The following FAM120B variants were observed in gnomAD, a reference collection of about 807,000 sequenced individuals.
FAM120B encodes constitutive coactivator of peroxisome proliferator-activated receptor gamma.
Under a neutral mutation model 96.3 loss-of-function variants are expected in FAM120B, and 83 were observed. The observed-to-expected ratio is 0.86, with a 90% CI of 0.72 to 1.03. FAM120B has a LOEUF of 1.03. Ranked by LOEUF, FAM120B falls within the 50% of genes least tolerant of loss-of-function variation. The pLI is 0.00. For synonymous variants in FAM120B, 407 were observed against 402.7 expected (o/e 1.01, Z -0.13); for missense variants, 1,027 against 1,121.2 (o/e 0.92, Z 1.20).
At chr6:170,300,694 C>T (rs776239398) in intron 1 of FAM120B, among the ~76,000 whole-genome samples, 2 of 152,320 alleles carry the variant, frequency 1.3e-5, no homozygotes, top group East Asian at 1.9e-4. Flanking sequence ...GCAAATACAC[C>T]CGTTCCAAAT....
Position 170,299,191 on chromosome 6 carries a change from T to A in FAM120B, c.48+3738T>A, listed in dbSNP as rs139044867. Among the ~76,000 whole-genome samples, 836 of 152,374 alleles carry A rather than the reference T, an allele frequency of 5.5e-3. 9 individuals carry two copies. The highest frequency in any genetic ancestry group is 0.019 in the African/African-American group (781 of 41,584). On this transcript the variant is annotated intron_variant, in intron 1 of 10. Transcript: ENST00000537664. ...CTTTTCTTTGTGGGAAGGTTTTTTT[T>A]ATTGTTGTTGTTTTGTTTTGTTTAC... is the stretch of plus-strand genomic sequence containing the variant.
Position 170,343,548 on chromosome 6 carries a change from A to G in FAM120B, c.2018-4603A>G, listed in dbSNP as rs899763598. On this transcript the variant is annotated intron_variant, in intron 4 of 10. Coordinates refer to ENST00000476287, the MANE Select transcript of FAM120B (RefSeq NM_032448.3). ...ATTTTTCCTACTCTGGTGATTTTCT[A>G]TAATCTATTATATCATTAGAACTCC... Among the ~76,000 whole-genome samples, 25 of 152,090 alleles carry G rather than the reference A, an allele frequency of 1.6e-4. 2 individuals are homozygous for G. Among genetic ancestry groups the G allele is most frequent in the African/African-American group, 4.8e-4 (20 of 41,340 alleles).
At chr6:170,346,574 A>T (rs953484321) in intron 4 of FAM120B, among the ~76,000 whole-genome samples, 1 of 152,224 alleles carries the variant, frequency 6.6e-6, no homozygotes, top group African/African-American at 2.4e-5. Context: ...GGTCTCTGTT[A>T]CTTAGGTTGG....
At chr6:170,376,731 C>G (rs1424626957) in intron 6 of FAM120B, among the ~76,000 whole-genome samples, 1 of 152,174 alleles carries the variant, frequency 6.6e-6, no homozygotes, top group Non-Finnish European at 1.5e-5. Flanking sequence ...TCTTTTGAGG[C>G]GTTCGAATGT....
intron 9 of FAM120B, among the ~76,000 whole-genome samples, chr6:170,399,171 G>A (rs55889079): frequency 2.0e-5 from 3 of 146,452 alleles, no homozygotes; most frequent in East Asian, 4.1e-4. Flanking sequence ...GGAGTGAGTG[G>A]GGAAGGTAGA....
At chr6:170,337,569 T>G (rs561920369) in intron 4 of FAM120B, among the ~76,000 whole-genome samples, 1 of 152,274 alleles carries the variant, frequency 6.6e-6, no homozygotes, top group Non-Finnish European at 1.5e-5. Context: ...AAAAGTCCCT[T>G]GTTTTCTATT....
At chr6:170,326,555 G>C (rs1337004875) in intron 3 of FAM120B, among the ~76,000 whole-genome samples, 3 of 152,070 alleles carry the variant, frequency 2.0e-5, no homozygotes, top group Non-Finnish European at 2.9e-5. Flanking sequence ...TTCTGTGAAG[G>C]GTCAGATAAT....
chr6:170,339,512 G>T (rs73034941), intron 4 of FAM120B, among the ~76,000 whole-genome samples: 15,507 of 152,014 alleles, frequency 0.1, 894 homozygotes, highest in African/African-American at 0.14. Context: ...GTCGGGGCCA[G>T]GCGGGGTGGC....
intron 8 of FAM120B, among the ~76,000 whole-genome samples, chr6:170,392,310 C>T (rs2115322416): frequency 1.3e-5 from 2 of 152,160 alleles, no homozygotes; most frequent in Non-Finnish European, 2.9e-5. Context: ...CGAGTTCAAG[C>T]GATTCTCTTG....
intron 5 of FAM120B, among the ~76,000 whole-genome samples, chr6:170,356,646 C>T (rs1490211657): frequency 6.6e-6 from 1 of 152,050 alleles, no homozygotes; most frequent in East Asian, 1.9e-4. Flanking sequence ...GAAAAGCTGG[C>T]CCTTTATATT....
At position 170,388,374 on chromosome 6, in the gene FAM120B, G is replaced by T. The variant is rs1421767244; in HGVS notation, c.2371G>T (p.Gly791Cys). 3 of 1,613,976 alleles carry T rather than the reference G, an allele frequency of 1.9e-6. No homozygotes were observed. Among genetic ancestry groups the T allele is most frequent in the Non-Finnish European group, 2.5e-6 (3 of 1,180,016 alleles). ...TTLVLVNSAC[G>C]FPWKTSDFMP... ...TCTGGTTTTAGTCAACAGCGCATGTGGCTTCCCCTGGAAGACGAGTGATTT... is the reference window on the plus strand; with the variant it reads ...TCTGGTTTTAGTCAACAGCGCATGTTGCTTCCCCTGGAAGACGAGTGATTT... The change falls in exon 7 of 11, where the codon GGC becomes TGC. Residue 791 changes from glycine to cysteine, a missense_variant. Around this residue, in one of 3 missense-constraint regions of FAM120B, gnomAD observed 880 missense variants for 980.9 expected, o/e 0.90. Coordinates refer to ENST00000476287, the MANE Select transcript of FAM120B (RefSeq NM_032448.3).
In FAM120B at chr6:170,388,298, C is replaced by T. The variant is rs753240301; in HGVS notation, c.2295C>T (p.Ile765=). 3 of 1,613,586 alleles carry T rather than the reference C, an allele frequency of 1.9e-6. No individual in the cohort carries two copies. The highest frequency in any genetic ancestry group is 1.7e-5 in the Admixed American group (1 of 60,004). Residue 765 remains isoleucine (I), a synonymous_variant, in exon 7 of 11, where the codon ATC becomes ATT. Coordinates refer to ENST00000476287, the MANE Select transcript of FAM120B (RefSeq NM_032448.3). ...SQLVNLQPDY[I]NPRAVQLGSL... is the part of the protein sequence containing the mutation. ...TCTGGTCTCCACAGCCTGATTACAT[C>T]AACCCCAGAGCCGTGCAGCTGGGCT...
chr6:170,340,960 G>C (rs1786781778), intron 4 of FAM120B, among the ~76,000 whole-genome samples: 1 of 152,226 alleles, frequency 6.6e-6, no homozygotes, highest in African/African-American at 2.4e-5. Context: ...AGGAGGCACG[G>C]GGATGAGGGA....
rs375196720 is a variant in FAM120B, at chr6:170,323,289, G to A, written c.1915+30G>A. 5.7e-6 allele frequency: 9 copies of A among 1,575,604 alleles called. No individual in the cohort carries two copies. The Admixed American group carries it at 1.6e-4, about 29-fold the overall frequency. On this transcript the variant is annotated intron_variant, in intron 3 of 10. Coordinates refer to ENST00000476287, the MANE Select transcript of FAM120B (RefSeq NM_032448.3). ...GAATTGGTTGGTCCCTCTTAGTAAA[G>A]GTTCTATTTGGAGTTGAGTTCTGAG...
In FAM120B at chr6:170,363,445, C is replaced by T. The variant is rs1788587985; in HGVS notation, c.2283+5127C>T. Among the ~76,000 whole-genome samples, 1 of 152,254 alleles carries T rather than the reference C, an allele frequency of 6.6e-6. No individual in the cohort carries two copies. Among genetic ancestry groups the T allele is most frequent in the African/African-American group, 2.4e-5 (1 of 41,470 alleles). ...TCACACCTGTGTCAGCAGCATCGTC[C>T]TCTGCCTTGTACAGCACAGCTTGGC... On this transcript the variant is annotated intron_variant, in intron 6 of 10. Transcript: ENST00000476287. The surrounding 1 kb of genome is among the most constrained non-coding windows in gnomAD (Gnocchi z 4.5).
At chr6:170,336,554 T>C (rs1305589444) in intron 4 of FAM120B, among the ~76,000 whole-genome samples, 1 of 152,244 alleles carries the variant, frequency 6.6e-6, no homozygotes, top group Non-Finnish European at 1.5e-5. Context: ...AGTAGTTTTT[T>C]CTAATTCTAT....
intron 6 of FAM120B, among the ~76,000 whole-genome samples, chr6:170,385,563 A>T (rs1339267708): frequency 2.6e-5 from 4 of 152,202 alleles, no homozygotes; most frequent in African/African-American, 9.6e-5. Flanking sequence ...GTGGGAATTC[A>T]AAGTGGTGAA....
intron 1 of FAM120B, among the ~76,000 whole-genome samples, chr6:170,296,844 C>T (rs1784024322): frequency 6.6e-6 from 1 of 152,186 alleles, no homozygotes; most frequent in South Asian, 2.1e-4. Context: ...TTTCCGGCTG[C>T]ATCCGGGGGG....
In FAM120B at chr6:170,347,835, G is replaced by A. The variant is rs986699360; in HGVS notation, c.2018-316G>A. Reference sequence around the variant, plus strand: ...TCCATCAGCTGTGATACTGCAGGGCGGCAGTGCCTTGTTATATCCTTGAGA... The same window carrying A: ...TCCATCAGCTGTGATACTGCAGGGCAGCAGTGCCTTGTTATATCCTTGAGA... On this transcript the variant is annotated intron_variant, in intron 4 of 10. Coordinates refer to ENST00000476287, the MANE Select transcript of FAM120B (RefSeq NM_032448.3). Among the ~76,000 whole-genome samples, 35 of 152,252 alleles carry A rather than the reference G, an allele frequency of 2.3e-4. 1 individual carries two copies. The highest frequency in any genetic ancestry group is 1.8e-3 in the Admixed American group (28 of 15,298).
Sources: allele counts gnomAD v4.1 joint callset (sites outside exome capture counted in the v4.1 genomes callset), GRCh38; gene constraint gnomAD v4.1.1; regional missense constraint gnomAD v4.1.1; non-coding constraint Gnocchi (gnomAD v3.1); transcripts MANE v1.5; gene names NCBI Gene and HGNC (gene_info 2026-07-23, HGNC 2026-07-21).